Variants in RASD2 observed in about 807,000 individuals in gnomAD.
RASD2 encodes RASD family member 2, also known as GTP-binding protein Rhes.
Under a neutral mutation model 15.8 loss-of-function variants are expected in RASD2, and 7 were observed. The ratio of observed to expected loss-of-function variants is 0.44; its 90% CI spans 0.25 to 0.83. RASD2 has a LOEUF of 0.83. RASD2 is among the 40% of genes least tolerant of loss of function. The pLI is 0.20. For missense variants in RASD2, 274 were observed against 382.8 expected, an observed-to-expected ratio of 0.72 and a Z score of 2.37; for synonymous variants, 155 against 153.6, an observed-to-expected ratio of 1.01 and a Z score of -0.07.
intron 1 of RASD2, 36 bp from the exon 2 acceptor site, chr22:35,546,765 G>A (rs767524594): frequency 6.3e-7 from 1 of 1,597,452 alleles, no homozygotes; most frequent in Non-Finnish European, 8.5e-7. Context: ...CCAGGTCGGG[G>A]GGGCCCTGAT....
At chr22:35,546,248 T>C (rs1934499698) in intron 1 of RASD2, among the ~76,000 whole-genome samples, 1 of 152,106 alleles carries the variant, frequency 6.6e-6, no homozygotes. Context: ...TAGCCTTCCC[T>C]TCTTCCCAGG....
At chr22:35,533,747 GA>G in the RASD2 span, among the ~76,000 whole-genome samples, 3 of 8,274 alleles carry the variant, frequency 3.6e-4, no homozygotes, top group Admixed American at 1.1e-3. Context: ...TGATGGGGAA[GA>G]TGATGACAGT....
chr22:35,548,481 T>C (rs1314890005), intron 2 of RASD2, among the ~76,000 whole-genome samples: 1 of 152,166 alleles, frequency 6.6e-6, no homozygotes, highest in Admixed American at 6.5e-5. Context: ...GCCCCTGAAG[T>C]TGCTGAGCAG....
intron 2 of RASD2, among the ~76,000 whole-genome samples, chr22:35,548,496 A>C (rs888311180): frequency 6.6e-6 from 1 of 152,188 alleles, no homozygotes; most frequent in East Asian, 1.9e-4. Flanking sequence ...GAGCAGGGAT[A>C]AGGGAAGGAG....
At chr22:35,538,837 C>T (rs1476345590), upstream of RASD2, among the ~76,000 whole-genome samples, 1 of 152,232 alleles carries the variant, frequency 6.6e-6, no homozygotes, top group Non-Finnish European at 1.5e-5. Flanking sequence ...TGCTCACCTC[C>T]CACTGCCAAG....
At chr22:35,538,293 A>G (rs1469478800), upstream of RASD2, among the ~76,000 whole-genome samples, 1 of 152,076 alleles carries the variant, frequency 6.6e-6, no homozygotes, top group Non-Finnish European at 1.5e-5. Flanking sequence ...ATCTTAAGCA[A>G]TGGGGAGCCC....
intron 1 of RASD2, among the ~76,000 whole-genome samples, chr22:35,544,935 A>G (rs748116022): frequency 1.3e-5 from 2 of 152,098 alleles, no homozygotes; most frequent in Non-Finnish European, 2.9e-5. Flanking sequence ...GCCAGCTATG[A>G]TTATTTCTAT....
intron 2 of RASD2, 26 bp downstream of exon 2, chr22:35,547,106 G>C (rs1313514138): frequency 1.9e-6 from 3 of 1,599,940 alleles, no homozygotes; most frequent in Admixed American, 1.7e-5. Flanking sequence ...GCCTGGGCTG[G>C]GGCGGCAGGG....
In RASD2 at chr22:35,546,912, A is replaced by C. The variant is rs1275266897; in HGVS notation, c.103A>C (p.Ile35Leu). The C allele has an allele frequency of 6.2e-7, 1 of 1,613,438 alleles. No homozygotes were observed. The highest frequency in any genetic ancestry group is 8.5e-7 in the Non-Finnish European group (1 of 1,179,702). Residue 35 changes from isoleucine to leucine, a missense_variant, in exon 2 of 3, where the codon ATC (isoleucine) becomes CTC (leucine). By Grantham distance (5) the Ile-to-Leu change is conservative (BLOSUM62 2). Transcript: ENST00000216127. ...TGCCTCTCGGGTGGGCAAGAGCTCC[A>C]TCGTGTCTCGCTTCCTCAATGGCCG... ...LGASRVGKSS[I>L]VSRFLNGRFE... is the part of the protein sequence containing the mutation.
intron 1 of RASD2, among the ~76,000 whole-genome samples, chr22:35,542,413 TTA>T (rs2145868243): frequency 6.6e-6 from 1 of 152,338 alleles, no homozygotes; most frequent in African/African-American, 2.4e-5. Flanking sequence ...CACAGGGGGT[TTA>T]TGTCTTACCA....
intron 1 of RASD2, among the ~76,000 whole-genome samples, chr22:35,544,820 A>G (rs2145870883): frequency 6.6e-6 from 1 of 152,288 alleles, no homozygotes; most frequent in South Asian, 2.1e-4. Context: ...TCATCTGTAA[A>G]TTGGAGAATA....
intron 1 of RASD2, among the ~76,000 whole-genome samples, chr22:35,544,445 C>G (rs1934442832): frequency 6.6e-6 from 1 of 152,264 alleles, no homozygotes; most frequent in Non-Finnish European, 1.5e-5. Context: ...CTCCTTGGCA[C>G]AGCCCCTGGG....
upstream of RASD2, among the ~76,000 whole-genome samples, chr22:35,536,947 C>A (rs1193111447): frequency 5.3e-5 from 8 of 152,172 alleles, no homozygotes; most frequent in Non-Finnish European, 1.0e-4. Context: ...GTGATGAAAC[C>A]CAACTCCAGA....
intron 1 of RASD2, among the ~76,000 whole-genome samples, chr22:35,543,429 A>G (rs1365360861): frequency 6.6e-6 from 1 of 150,696 alleles, no homozygotes; most frequent in Non-Finnish European, 1.5e-5. Context: ...AGTCACTGAT[A>G]TTGGACTCTA....
chr22:35,537,012 G>T (rs894233360), upstream of RASD2, among the ~76,000 whole-genome samples: 3 of 152,146 alleles, frequency 2.0e-5, no homozygotes, highest in Admixed American at 1.3e-4. Flanking sequence ...TCTTTTAAAA[G>T]CTCCCCTAGG....
At chr22:35,541,935 G>A (rs1162858825) in intron 1 of RASD2, among the ~76,000 whole-genome samples, 1 of 152,230 alleles carries the variant, frequency 6.6e-6, no homozygotes, top group Non-Finnish European at 1.5e-5. Context: ...GGGGAAGGAA[G>A]ATTAAGAAGC....
chr22:35,534,746 C>T, the RASD2 span, among the ~76,000 whole-genome samples: 2 of 152,238 alleles, frequency 1.3e-5, no homozygotes, highest in Non-Finnish European at 2.9e-5. Context: ...TAGCTTGTGC[C>T]TTTCCTTTCA....
chr22:35,548,288 C>G (rs756028311), intron 2 of RASD2, among the ~76,000 whole-genome samples: 1 of 152,218 alleles, frequency 6.6e-6, no homozygotes, highest in African/African-American at 2.4e-5. Context: ...TCTCAGCACT[C>G]TCATCTGTAA....
In RASD2 at chr22:35,552,481, C is replaced by T. The variant is rs1200920032; in HGVS notation, c.*449C>T. ...TTGGTTTGGGTGGCAGCTGGGAGAACTTCTCTCCCAGCCCTGCAACTCTTA... is the reference window on the plus strand; with the variant it reads ...TTGGTTTGGGTGGCAGCTGGGAGAATTTCTCTCCCAGCCCTGCAACTCTTA... On this transcript the variant is annotated 3_prime_UTR_variant, in exon 3 of 3. Coordinates refer to ENST00000216127, the MANE Select transcript of RASD2 (RefSeq NM_014310.4). 1 of 162,136 alleles carries T rather than the reference C, an allele frequency of 6.2e-6. No individual in the cohort carries two copies. Among genetic ancestry groups the T allele is most frequent in the African/African-American group, 2.4e-5 (1 of 41,626 alleles). The allele number at this position is 162,136 out of a possible 1,614,324, so 10.0% of individuals were successfully genotyped here.
Sources: gnomAD v4.1 joint callset for allele counts (sites outside exome capture counted in the v4.1 genomes callset) on GRCh38, gnomAD v4.1.1 for gene constraint, MANE v1.5 for transcripts, NCBI Gene and HGNC (gene_info 2026-07-23, HGNC 2026-07-21) for gene names.